ANXA3: variants seen among roughly 807,000 people sequenced by gnomAD.
The protein encoded by ANXA3 is annexin A3.
ANXA3 carries 46 observed loss-of-function variants against 48.8 expected under a neutral mutation model. The observed-to-expected ratio is 0.94, with a 90% confidence interval of 0.74 to 1.21. The LOEUF (loss-of-function observed/expected upper bound fraction) is 1.21, where lower values mean the gene tolerates loss of function less well. ANXA3 is among the 50% of genes most tolerant of loss of function. The probability of loss-of-function intolerance (pLI) is 0.00; values close to 1 mark genes in which losing one functional copy is unlikely to be tolerated. For missense variants in ANXA3, 383 were observed against 378.6 expected (o/e 1.01, Z -0.10); for synonymous variants, 128 against 134.7 (o/e 0.95, Z 0.35).
At chr4:78,600,715 A>T (rs1463443596) in intron 10 of ANXA3, among the ~76,000 whole-genome samples, 3 of 152,256 alleles carry the variant, frequency 2.0e-5, no homozygotes, top group African/African-American at 7.2e-5. Context: ...AAAATTCATT[A>T]TAAAATCCAT....
chr4:78,605,484 G>C (rs7694152), intron 12 of ANXA3, among the ~76,000 whole-genome samples: 23,877 of 152,066 alleles, frequency 0.16, 3,624 homozygotes, highest in African/African-American at 0.39. Flanking sequence ...TTTCTAAGAC[G>C]TTTTTCACAT....
intron 2 of ANXA3, among the ~76,000 whole-genome samples, chr4:78,572,404 A>T (rs1022037163): frequency 5.3e-5 from 8 of 152,332 alleles, no homozygotes; most frequent in African/African-American, 9.6e-5. Context: ...GCAGTAAAGA[A>T]AAAGTTTAAT....
At chr4:78,566,396 C>T (rs555726638) in intron 2 of ANXA3, among the ~76,000 whole-genome samples, 12 of 150,566 alleles carry the variant, frequency 8.0e-5, no homozygotes, top group Non-Finnish European at 1.3e-4. Context: ...TGGAATAAAA[C>T]TAAGGTTTAT....
chr4:78,578,292 A>C (rs1442479240), intron 3 of ANXA3, among the ~76,000 whole-genome samples: 3 of 90,138 alleles, frequency 3.3e-5, no homozygotes, highest in African/African-American at 1.4e-4. Context: ...AAGGGGAGAG[A>C]GAGAGCGAGA....
Position 78,573,553 on chromosome 4 carries a change from C to T in ANXA3, c.103+286C>T, listed in dbSNP as rs1028722457. Among the ~76,000 whole-genome samples the T allele has an allele frequency of 3.3e-5, 5 of 152,234 alleles. No individual in the cohort carries two copies. The South Asian group carries it at 8.3e-4, about 25-fold the overall frequency. Reference sequence around the variant, plus strand: ...TGGCTGGTATCCAGACTCTTGACACCATCTAGAGAAGAAATTCAAGGATGG... The same window carrying T: ...TGGCTGGTATCCAGACTCTTGACACTATCTAGAGAAGAAATTCAAGGATGG... On this transcript the variant is annotated intron_variant, in intron 3 of 12. Coordinates refer to ENST00000264908, the MANE Select transcript of ANXA3 (RefSeq NM_005139.3).
Position 78,595,543 on chromosome 4 carries a change from T to TTC in ANXA3, c.540+107_540+108insCT, listed in dbSNP as rs529601264. 1,565 of 1,229,574 alleles carry TTC rather than the reference T, an allele frequency of 1.3e-3. 9 individuals carry two copies. The highest frequency in any genetic ancestry group is 0.011 in the Middle Eastern group (55 of 5,120). The allele number at this position is 1,229,574 out of a possible 1,614,324, so 76.2% of individuals were successfully genotyped here. ...AATAGCAGCAACAGGGACTTTTCTTTTTTTTTTTTTCCTGTTTGAAAGAGA... is the reference window on the plus strand; with the variant it reads ...AATAGCAGCAACAGGGACTTTTCTTTTCTTTTTTTTTTCCTGTTTGAAAGAGA... On this transcript the variant is annotated intron_variant, in intron 8 of 12. Transcript: ENST00000264908.
chr4:78,588,254 G>T (rs1723217673), intron 6 of ANXA3, among the ~76,000 whole-genome samples: 1 of 151,820 alleles, frequency 6.6e-6, no homozygotes, highest in South Asian at 2.1e-4. Flanking sequence ...TTGGCCAGGT[G>T]TGGTGGTGCA....
At chr4:78,563,092 T>C (rs1722656649) in intron 2 of ANXA3, among the ~76,000 whole-genome samples, 1 of 152,166 alleles carries the variant, frequency 6.6e-6, no homozygotes, top group South Asian at 2.1e-4. Flanking sequence ...ATTCTCTAGG[T>C]TTACTTTACA....
chr4:78,568,149 G>T (rs1176460109), intron 2 of ANXA3, among the ~76,000 whole-genome samples: 1 of 152,166 alleles, frequency 6.6e-6, no homozygotes, highest in Admixed American at 6.5e-5. Flanking sequence ...GGACTTTAAG[G>T]TATTTTTTTG....
intron 9 of ANXA3, 131 bp from the exon 10 acceptor site, chr4:78,597,188 G>T (rs1019169610): frequency 4.8e-6 from 3 of 624,550 alleles, no homozygotes; most frequent in Non-Finnish European, 8.3e-6. Context: ...TCTGTGCCCA[G>T]ATTTTCATGG....
At chr4:78,576,821 C>A (rs928066086) in intron 3 of ANXA3, among the ~76,000 whole-genome samples, 1 of 152,164 alleles carries the variant, frequency 6.6e-6, no homozygotes, top group Admixed American at 6.5e-5. Context: ...GGGTCAGACA[C>A]AGTCTCTGAA....
intron 11 of ANXA3, chr4:78,604,026 ATTC>A (rs1723598218): frequency 3.2e-6 from 1 of 314,762 alleles, no homozygotes; most frequent in African/African-American, 2.1e-5. Flanking sequence ...TCTTGCCTGT[ATTC>A]TTTACAAAAC....
chr4:78,589,043 G>A (rs1297089643), intron 6 of ANXA3, among the ~76,000 whole-genome samples: 1 of 152,186 alleles, frequency 6.6e-6, no homozygotes, highest in African/African-American at 2.4e-5. Flanking sequence ...CAGATCCCTG[G>A]AGCCCAGCAT....
intron 10 of ANXA3, among the ~76,000 whole-genome samples, chr4:78,600,729 C>T (rs918981964): frequency 1.3e-5 from 2 of 152,176 alleles, no homozygotes; most frequent in African/African-American, 2.4e-5. Context: ...AATCCATTCA[C>T]TTTTGGTTGG....
intron 3 of ANXA3, among the ~76,000 whole-genome samples, chr4:78,574,179 G>T (rs980276059): frequency 6.6e-6 from 1 of 152,200 alleles, no homozygotes; most frequent in African/African-American, 2.4e-5. Context: ...AGCACTTTGG[G>T]AGGGGGAGGC....
rs887080812 is a variant in ANXA3, at chr4:78,578,679, G to T, written c.104-348G>T. ...ATTTTGATATCAAGTATGGGAGAGA[G>T]ATAAAAGGCAATAAGACAGTAACCA... On this transcript the variant is annotated intron_variant, in intron 3 of 12. Coordinates refer to ENST00000264908, the MANE Select transcript of ANXA3 (RefSeq NM_005139.3). 2.0e-5 allele frequency among the ~76,000 whole-genome samples: 3 copies of T among 152,142 alleles called. No homozygotes were observed. The East Asian group carries it at 5.8e-4, about 29-fold the overall frequency.
chr4:78,610,361 T>C lies in ANXA3; in HGVS notation c.*246T>C. On this transcript the variant is annotated 3_prime_UTR_variant, in exon 13 of 13. Coordinates refer to ENST00000264908, the MANE Select transcript of ANXA3 (RefSeq NM_005139.3). ...AGATCTGCAACTACTATCCAACTTA[T>C]ATTTCTGCTTTCAAAGTTAAGAATC... The C allele has an allele frequency of 3.3e-6, 1 of 302,026 alleles. No homozygotes were observed. Among genetic ancestry groups the C allele is most frequent in the Non-Finnish European group, 6.1e-6 (1 of 164,372 alleles). 18.7% of individuals were successfully genotyped at this position (302,026 alleles called of 1,614,324 possible). A position where few individuals can be genotyped will look rare whatever the true frequency, so the allele number is the denominator to read the frequency against.
At chr4:78,605,276 A>G (rs1210463573) in intron 12 of ANXA3, among the ~76,000 whole-genome samples, 1 of 149,726 alleles carries the variant, frequency 6.7e-6, no homozygotes, top group Non-Finnish European at 1.5e-5. Flanking sequence ...AGCTGGGACT[A>G]TAGGTAAACT....
rs1328668092 is a variant in ANXA3 at position 78,595,793 on chromosome 4, G to C, written c.541-1G>C. On this transcript the variant is annotated splice_acceptor_variant, in intron 8 of 12. Transcript: ENST00000264908. LOFTEE classifies it high-confidence loss of function. ...CTCTAATATCATTCTCTTGTGAATAGATTCTCTATAAAGCTGGTGAGAACA... is the reference window on the plus strand; with the variant it reads ...CTCTAATATCATTCTCTTGTGAATACATTCTCTATAAAGCTGGTGAGAACA... 6.3e-7 allele frequency: 1 copy of C among 1,584,604 alleles called. No homozygotes were observed. Among genetic ancestry groups the C allele is most frequent in the Non-Finnish European group, 8.7e-7 (1 of 1,154,042 alleles).
Sources: gnomAD v4.1 joint callset for allele counts (sites outside exome capture counted in the v4.1 genomes callset) on GRCh38, gnomAD v4.1.1 for gene constraint, MANE v1.5 for transcripts, NCBI Gene and HGNC (gene_info 2026-07-23, HGNC 2026-07-21) for gene names.